The following EXTL3 variants were observed in gnomAD, a reference collection of about 807,000 sequenced individuals.
EXTL3 encodes exostosin-like 3.
EXTL3 carries 27 observed loss-of-function variants against 69.3 expected under a neutral mutation model. That is an observed-to-expected ratio of 0.39 (90% CI 0.29 to 0.54). The LOEUF (loss-of-function observed/expected upper bound fraction) is 0.54, where lower values mean the gene tolerates loss of function less well. Ranked by LOEUF, EXTL3 falls within the 20% of genes least tolerant of loss-of-function variation. EXTL3 has a pLI of 0.69. For missense variants in EXTL3, 1,003 were observed against 1,231.8 expected (o/e 0.81, Z 2.78); for synonymous variants, 511 against 499.4 (o/e 1.02, Z -0.31).
chr8:28,749,773 A>G (rs944976525), intron 6 of EXTL3, among the ~76,000 whole-genome samples: 2 of 152,098 alleles, frequency 1.3e-5, no homozygotes, highest in African/African-American at 4.8e-5. Context: ...TGCAGCCTCA[A>G]ACTCGTGGGC....
chr8:28,638,117 T>C (rs1409834718), intron 1 of EXTL3, among the ~76,000 whole-genome samples: 5 of 152,198 alleles, frequency 3.3e-5, no homozygotes, highest in Non-Finnish European at 7.3e-5. Context: ...CTGGATCCCT[T>C]CCTCCATGGC....
intron 1 of EXTL3, among the ~76,000 whole-genome samples, chr8:28,645,347 C>T (rs940140784): frequency 1.3e-5 from 2 of 152,202 alleles, no homozygotes; most frequent in Non-Finnish European, 2.9e-5. Context: ...ACATGTTCAT[C>T]TCAGCCTTGT....
intron 1 of EXTL3, chr8:28,637,472 ATCAC>A (rs748061041): frequency 6.6e-6 from 1 of 152,292 alleles, no homozygotes; most frequent in Non-Finnish European, 1.5e-5. Flanking sequence ...CTGAAGAAGT[ATCAC>A]TCCTTTGATT....
In EXTL3 at chr8:28,717,442, G is replaced by A. The variant is rs373902990; in HGVS notation, c.1383G>A (p.Pro461=). The A allele has an allele frequency of 1.1e-5, 17 of 1,614,080 alleles. No homozygotes were observed. Among genetic ancestry groups the A allele is most frequent in the African/African-American group, 5.3e-5 (4 of 74,938 alleles). Residue 461 remains proline, a synonymous_variant, in exon 3 of 7, where the codon CCG becomes CCA. Coordinates refer to ENST00000220562, the MANE Select transcript of EXTL3 (RefSeq NM_001440.4). The surrounding 1 kb of genome is among the most constrained non-coding windows in gnomAD (Gnocchi z 8.3). ...LFEALEVGAV[P]VVLGEQVQLP... ...AAGCCCTGGAAGTCGGTGCCGTCCC[G>A]GTGGTGCTGGGGGAGCAGGTCCAGC... is the stretch of plus-strand genomic sequence containing the variant.
At chr8:28,643,174 G>A (rs1291248826) in intron 1 of EXTL3, among the ~76,000 whole-genome samples, 1 of 152,052 alleles carries the variant, frequency 6.6e-6, no homozygotes, top group Non-Finnish European at 1.5e-5. Flanking sequence ...AACCTGGGAC[G>A]TGGAGGTTGC....
chr8:28,721,262 T>A (rs1801286848), intron 3 of EXTL3, among the ~76,000 whole-genome samples: 1 of 152,174 alleles, frequency 6.6e-6, no homozygotes, highest in South Asian at 2.1e-4. Flanking sequence ...ATGTAGCTGG[T>A]CTGCTTACAG....
Position 28,751,202 on chromosome 8 carries a change from A to T in EXTL3, c.*336A>T. On this transcript the variant is annotated 3_prime_UTR_variant, in exon 7 of 7. Coordinates refer to ENST00000220562, the MANE Select transcript of EXTL3 (RefSeq NM_001440.4). Reference sequence around the variant, plus strand: ...TTTACATTCAATAACAACTATTATGATTATTTAAAAAGAGAAAGTTTCAGA... The same window carrying T: ...TTTACATTCAATAACAACTATTATGTTTATTTAAAAAGAGAAAGTTTCAGA... 3.2e-6 allele frequency: 1 copy of T among 309,054 alleles called. No individual in the cohort carries two copies. The highest frequency in any genetic ancestry group is 6.7e-5 in the East Asian group (1 of 14,978). 19.1% of individuals were successfully genotyped at this position (309,054 alleles called of 1,614,324 possible).
At chr8:28,685,291 A>G (rs2130666992) in intron 1 of EXTL3, among the ~76,000 whole-genome samples, 1 of 152,114 alleles carries the variant, frequency 6.6e-6, no homozygotes, top group African/African-American at 2.4e-5. Flanking sequence ...TGCCAATTTA[A>G]CATCCAATCC....
intron 1 of EXTL3, among the ~76,000 whole-genome samples, chr8:28,636,235 G>A (rs1350869313): frequency 1.3e-5 from 2 of 151,818 alleles, no homozygotes; most frequent in Non-Finnish European, 2.9e-5. Context: ...GGGTGGCTGA[G>A]GCAGGAGAAT....
At chr8:28,749,495 C>T (rs1801959307) in intron 6 of EXTL3, among the ~76,000 whole-genome samples, 1 of 152,204 alleles carries the variant, frequency 6.6e-6, no homozygotes, top group Admixed American at 6.5e-5. Context: ...TCCCTGCTCC[C>T]CTCCATGGAG....
At chr8:28,636,753 G>A (rs1806662737) in intron 1 of EXTL3, among the ~76,000 whole-genome samples, 1 of 152,204 alleles carries the variant, frequency 6.6e-6, no homozygotes, top group Non-Finnish European at 1.5e-5. Flanking sequence ...GCTTACGCCT[G>A]TAACCCCAGC....
At chr8:28,686,343 AAAAAG>A (rs1474630847) in intron 1 of EXTL3, among the ~76,000 whole-genome samples, 25 of 151,816 alleles carry the variant, frequency 1.6e-4, no homozygotes, top group African/African-American at 3.9e-4. Flanking sequence ...CAAAAAAAAA[AAAAAG>A]AAAAGAAAAA....
At chr8:28,661,914 A>G (rs971700114) in intron 1 of EXTL3, among the ~76,000 whole-genome samples, 4 of 151,312 alleles carry the variant, frequency 2.6e-5, no homozygotes, top group African/African-American at 9.7e-5. Flanking sequence ...AAGATAAAAT[A>G]TAAATGTATA....
At chr8:28,650,032 C>T (rs1168534151) in intron 1 of EXTL3, among the ~76,000 whole-genome samples, 1 of 151,752 alleles carries the variant, frequency 6.6e-6, no homozygotes, top group Non-Finnish European at 1.5e-5. Context: ...CCCATCTCTA[C>T]TAAAAATACA....
In EXTL3 at chr8:28,610,995, G is replaced by A. The variant is rs111446424; in HGVS notation, n.314+3237G>A. Among the ~76,000 whole-genome samples the A allele has an allele frequency of 3.5e-3, 530 of 152,166 alleles. 1 individual carries two copies. The highest frequency in any genetic ancestry group is 0.011 in the African/African-American group (463 of 41,536). On this transcript the variant is annotated intron_variant and non_coding_transcript_variant, in intron 2 of 4. Transcript: ENST00000522725. Reference sequence around the variant, plus strand: ...TGATCTCAAGTGATCCATCCACCTCGGCCTCCCAAAGTGCTGGGATTACAG... The same window carrying A: ...TGATCTCAAGTGATCCATCCACCTCAGCCTCCCAAAGTGCTGGGATTACAG...
At chr8:28,697,132 A>T (rs1800697647), upstream of EXTL3, 1 of 152,222 alleles carries the variant, frequency 6.6e-6, no homozygotes, top group African/African-American at 2.4e-5. Flanking sequence ...GGGCAGGGCC[A>T]TGTTTTATAC....
rs11995926 is a variant in EXTL3, at chr8:28,669,668, G to A, written c.-52-43789G>A. Among the ~76,000 whole-genome samples, 468 of 152,202 alleles carry A rather than the reference G, an allele frequency of 3.1e-3. 3 individuals carry two copies. The highest frequency in any genetic ancestry group is 0.011 in the African/African-American group (442 of 41,528). On this transcript the variant is annotated intron_variant, in intron 1 of 6. Coordinates refer to the EXTL3 transcript ENST00000523149. The stretch of plus-strand genomic sequence containing the variant: ...CTGTCCCCATAATTCACAAATTATG[G>A]GGACTGTACATGTTGTTTCCATTTT...
Position 28,685,108 on chromosome 8 carries a change from C to T in EXTL3, c.-52-28349C>T, listed in dbSNP as rs939783642. On this transcript the variant is annotated intron_variant, in intron 1 of 6. Transcript: ENST00000523149. ...CTGGGATTACAGGCACGTGCCACCA[C>T]GCCTAGCTAATTTTTATATTTTAAG... Among the ~76,000 whole-genome samples, 5 of 151,544 alleles carry T rather than the reference C, an allele frequency of 3.3e-5. No individual in the cohort carries two copies. The South Asian group carries it at 6.3e-4, about 19-fold the overall frequency.
At chr8:28,653,671 T>C (rs1806961485) in intron 1 of EXTL3, among the ~76,000 whole-genome samples, 1 of 152,216 alleles carries the variant, frequency 6.6e-6, no homozygotes, top group African/African-American at 2.4e-5. Context: ...ATCAATTGAC[T>C]AGAGACATTT....
Sources: allele counts gnomAD v4.1 joint callset (sites outside exome capture counted in the v4.1 genomes callset), GRCh38; gene constraint gnomAD v4.1.1; non-coding constraint Gnocchi (gnomAD v3.1); transcripts MANE v1.5; gene names NCBI Gene and HGNC (gene_info 2026-07-23, HGNC 2026-07-21).